The following SAXO1 variants were observed in gnomAD, a reference collection of about 807,000 sequenced individuals.
SAXO1 encodes the protein 4930500O09Rik.
A neutral mutation model predicts 17.5 loss-of-function variants in SAXO1; 21 were observed. The observed-to-expected ratio is 1.20, with a 90% confidence interval of 0.85 to 1.72. SAXO1 has a LOEUF of 1.72. Ranked by LOEUF, SAXO1 falls within the 40% of genes most tolerant of loss-of-function variation. SAXO1 has a pLI of 0.00. For synonymous variants in SAXO1, 274 were observed against 216.5 expected, an observed-to-expected ratio of 1.27 and a Z score of -2.33; for missense variants, 843 against 596.0, an observed-to-expected ratio of 1.41 and a Z score of -4.32.
chr9:19,006,588 A>G (rs1834489293), intron 1 of SAXO1, among the ~76,000 whole-genome samples: 1 of 152,242 alleles, frequency 6.6e-6, no homozygotes, highest in African/African-American at 2.4e-5. Flanking sequence ...AGTAAGTACA[A>G]TAAAGGACAC....
At position 18,928,542 on chromosome 9, in the gene SAXO1, G is replaced by A. The variant is rs115762023; in HGVS notation, c.935C>T (p.Thr312Ile). The A allele has an allele frequency of 3.8e-4, 617 of 1,614,082 alleles. 2 individuals carry two copies. The African/African-American group carries it at 4.1e-3, about 11-fold the overall frequency. ...DLLTTVQAHYTCPKGAPAQSC... is the reference protein window; with the variant it reads ...DLLTTVQAHYICPKGAPAQSC... ...CTGAGCTGGGGCACCCTTAGGGCAT[G>A]TGTAATGGGCCTGCACTGTTGTCAG... The change falls in exon 4 of 4, where the codon ACA becomes ATA. Residue 312 changes from threonine (T) to isoleucine (I), a missense_variant. Physicochemically the swap from Thr to Ile is moderately conservative, Grantham distance 89. Transcript: ENST00000380534.
intron 1 of SAXO1, among the ~76,000 whole-genome samples, chr9:19,047,966 C>G (rs1836261752): frequency 6.6e-6 from 1 of 152,068 alleles, no homozygotes; most frequent in Non-Finnish European, 1.5e-5. Context: ...GAGGTAGCAC[C>G]AAGGAGATGA....
At chr9:18,980,528 C>G (rs1180241818) in intron 1 of SAXO1, among the ~76,000 whole-genome samples, 6 of 81,776 alleles carry the variant, frequency 7.3e-5, no homozygotes, top group African/African-American at 1.6e-4. Context: ...AAGGTAGTGG[C>G]GGGGGGAGGG....
chr9:18,975,973 C>T (rs77062494), intron 1 of SAXO1, among the ~76,000 whole-genome samples: 2,042 of 152,256 alleles, frequency 0.013, 38 homozygotes, highest in African/African-American at 0.047. Context: ...TTTAGCACCT[C>T]GGCACTACTA....
intron 1 of SAXO1, among the ~76,000 whole-genome samples, chr9:19,005,191 T>C (rs1032495354): frequency 5.3e-5 from 8 of 152,180 alleles, no homozygotes; most frequent in African/African-American, 1.4e-4. Context: ...TTAATACTGT[T>C]AAAATGACAA....
At chr9:18,986,593 G>A (rs1339067954) in intron 1 of SAXO1, among the ~76,000 whole-genome samples, 2 of 143,512 alleles carry the variant, frequency 1.4e-5, no homozygotes, top group Admixed American at 7.2e-5. Flanking sequence ...AGAACTCAAG[G>A]AGTCTTCTCC....
chr9:19,014,676 A>G (rs1207282684), intron 1 of SAXO1, among the ~76,000 whole-genome samples: 1 of 152,100 alleles, frequency 6.6e-6, no homozygotes, highest in African/African-American at 2.4e-5. Flanking sequence ...CTTCTTTCAT[A>G]GATTTAAGAC....
At chr9:19,038,333 A>C (rs1486299847) in intron 1 of SAXO1, among the ~76,000 whole-genome samples, 3 of 152,118 alleles carry the variant, frequency 2.0e-5, no homozygotes, top group Non-Finnish European at 4.4e-5. Context: ...CACTATTCAC[A>C]ATACCAAAGA....
chr9:19,047,318 C>T (rs536515771), intron 1 of SAXO1, among the ~76,000 whole-genome samples: 1 of 152,082 alleles, frequency 6.6e-6, no homozygotes, highest in African/African-American at 2.4e-5. Context: ...GAGCCAAGAT[C>T]GTGCAACTAC....
chr9:19,023,323 A>C (rs1422255913), intron 1 of SAXO1, among the ~76,000 whole-genome samples: 1 of 152,162 alleles, frequency 6.6e-6, no homozygotes, highest in Non-Finnish European at 1.5e-5. Context: ...CATTGCCTAG[A>C]ACAGACCTTT....
At chr9:19,025,730 G>C (rs1046219657) in intron 1 of SAXO1, among the ~76,000 whole-genome samples, 1 of 152,156 alleles carries the variant, frequency 6.6e-6, no homozygotes, top group Admixed American at 6.5e-5. Context: ...ACTGTAAGCT[G>C]TAAAATAATC....
At chr9:19,013,391 A>G (rs1834837555) in intron 1 of SAXO1, among the ~76,000 whole-genome samples, 1 of 152,134 alleles carries the variant, frequency 6.6e-6, no homozygotes, top group African/African-American at 2.4e-5. Context: ...AGGAGGGGAA[A>G]GTTTCACAGT....
At chr9:18,929,762 C>T (rs375084866) in intron 3 of SAXO1, among the ~76,000 whole-genome samples, 2 of 152,170 alleles carry the variant, frequency 1.3e-5, no homozygotes, top group Admixed American at 6.5e-5. Context: ...GATGCAGAAA[C>T]AGATATACAG....
At chr9:18,971,043 C>A (rs1832924398) in intron 1 of SAXO1, among the ~76,000 whole-genome samples, 1 of 152,050 alleles carries the variant, frequency 6.6e-6, no homozygotes, top group African/African-American at 2.4e-5. Flanking sequence ...GTTTCCCTGT[C>A]CCCTCAAACC....
intron 1 of SAXO1, among the ~76,000 whole-genome samples, chr9:18,990,522 G>A (rs1418357323): frequency 6.6e-6 from 1 of 152,160 alleles, no homozygotes; most frequent in Non-Finnish European, 1.5e-5. Context: ...AGTGAGCCAT[G>A]TTTGCACCAC....
chr9:19,040,443 G>A, intron 1 of SAXO1, among the ~76,000 whole-genome samples: 1 of 152,054 alleles, frequency 6.6e-6, no homozygotes, highest in East Asian at 1.9e-4. Context: ...AGGAGTTCGA[G>A]ACCAGCCCGG....
chr9:18,963,129 G>A (rs113015534), intron 1 of SAXO1, among the ~76,000 whole-genome samples: 3,113 of 152,230 alleles, frequency 0.02, 101 homozygotes, highest in African/African-American at 0.07. Flanking sequence ...TGTTATTTCT[G>A]AGGCCTCTGT....
At chr9:18,998,573 T>A (rs1244818180) in intron 1 of SAXO1, among the ~76,000 whole-genome samples, 1 of 152,106 alleles carries the variant, frequency 6.6e-6, no homozygotes, top group Non-Finnish European at 1.5e-5. Flanking sequence ...TTTCCCAACC[T>A]AGCAAGACAG....
chr9:18,962,057 G>GT (rs1215668682), intron 1 of SAXO1, among the ~76,000 whole-genome samples: 1 of 151,822 alleles, frequency 6.6e-6, no homozygotes, highest in Admixed American at 6.6e-5. Context: ...TGTGTGTACG[G>GT]TTTTTTTAGT....
Sources: allele counts gnomAD v4.1 joint callset (sites outside exome capture counted in the v4.1 genomes callset), GRCh38; gene constraint gnomAD v4.1.1; transcripts MANE v1.5; gene names NCBI Gene and HGNC (gene_info 2026-07-23, HGNC 2026-07-21).